TSPAN7: variants seen among roughly 807,000 people sequenced by gnomAD.
TSPAN7 encodes tetraspanin 7.
Under a neutral mutation model 17.6 loss-of-function variants are expected in TSPAN7, and 1 was observed. That is an observed-to-expected ratio of 0.06 (90% CI 0.02 to 0.27). The LOEUF (loss-of-function observed/expected upper bound fraction) is 0.27. Ranked by LOEUF, TSPAN7 falls within the 10% of genes least tolerant of loss-of-function variation. The pLI, the probability that TSPAN7 is intolerant of heterozygous loss-of-function variation, is 1.00. For synonymous variants in TSPAN7, 78 were observed against 79.0 expected (o/e 0.99, Z 0.07); for missense variants, 112 against 201.7 (o/e 0.56, Z 2.69).
chrX:38,654,779 TAGAC>T (rs2069693033), intron 1 of TSPAN7, among the ~76,000 whole-genome samples: 1 of 112,340 alleles, frequency 8.9e-6, no homozygotes, highest in Non-Finnish European at 1.9e-5. Flanking sequence ...TTCATTTTGG[TAGAC>T]AGACAAAGTG....
At chrX:38,673,634 A>G (rs939308923) in intron 3 of TSPAN7, among the ~76,000 whole-genome samples, 7 of 110,611 alleles carry the variant, frequency 6.3e-5, no homozygotes, top group Non-Finnish European at 1.3e-4. Flanking sequence ...CGGCCTCCCA[A>G]AGCACTGGGA....
rs369040163 is a variant in TSPAN7, at chrX:38,636,473, G to A, written c.82-29648G>A. On this transcript the variant is annotated intron_variant, in intron 1 of 7. Transcript: ENST00000378482. The stretch of plus-strand genomic sequence containing the variant: ...AATCCCCAAGATAAGTTTTGGATGA[G>A]AATGAACTCAAAGATCAGAGCATCA... 7.2e-5 allele frequency among the ~76,000 whole-genome samples: 8 copies of A among 111,705 alleles called. No homozygotes were observed. In the East Asian group the frequency reaches 2.3e-3, roughly 31 times the overall value.
intron 6 of TSPAN7, 77 bp from the exon 7 acceptor site, chrX:38,687,522 A>G: frequency 1.1e-6 from 1 of 940,375 alleles, no homozygotes; most frequent in Non-Finnish European, 1.5e-6. Flanking sequence ...TAAATATATA[A>G]AATTATTAAT....
chrX:38,609,725 A>T (rs1308074539), intron 1 of TSPAN7, among the ~76,000 whole-genome samples: 1 of 109,035 alleles, frequency 9.2e-6, no homozygotes, highest in Non-Finnish European at 1.9e-5. Context: ...TTGAAAAAAT[A>T]CTCCTTTATC....
At chrX:38,638,480 G>A (rs983815354) in intron 1 of TSPAN7, among the ~76,000 whole-genome samples, 2 of 112,297 alleles carry the variant, frequency 1.8e-5, no homozygotes, top group African/African-American at 6.5e-5. Flanking sequence ...CTGTATATGT[G>A]TACGTATATG....
At position 38,675,840 on chromosome X, in the gene TSPAN7, G is replaced by A. The variant is rs766145171; in HGVS notation, c.577G>A (p.Ala193Thr). 39 of 1,209,656 alleles carry A rather than the reference G, an allele frequency of 3.2e-5. No homozygotes were observed. The highest frequency in any genetic ancestry group is 1.2e-4 in the East Asian group (4 of 33,721). Reference protein sequence around the residue: ...PQDLHNLTVAATKVNQKGCYD... With the variant: ...PQDLHNLTVATTKVNQKGCYD... Reference sequence around the variant, plus strand: ...GGATCTACACAATCTGACTGTGGCCGCCACCAAAGTTAACCAGAAGGTACC... The same window carrying A: ...GGATCTACACAATCTGACTGTGGCCACCACCAAAGTTAACCAGAAGGTACC... Residue 193 changes from alanine (A) to threonine (T), a missense_variant, in exon 5 of 8, where the codon GCC (alanine) becomes ACC (threonine). By Grantham distance (58) the Ala-to-Thr change is moderately conservative (BLOSUM62 0). Coordinates refer to ENST00000378482, the MANE Select transcript of TSPAN7 (RefSeq NM_004615.4).
intron 1 of TSPAN7, among the ~76,000 whole-genome samples, chrX:38,631,973 A>G (rs911786733): frequency 1.8e-5 from 2 of 112,045 alleles, no homozygotes; most frequent in Non-Finnish European, 3.8e-5. Context: ...AAAACTTCCA[A>G]AGGCTTTTTC....
At position 38,670,757 on chromosome X, in the gene TSPAN7, G is replaced by C. The variant is rs182938075; in HGVS notation, c.271-619G>C. 7.6e-4 allele frequency among the ~76,000 whole-genome samples: 86 copies of C among 112,686 alleles called. 1 individual carries two copies. The highest frequency in any genetic ancestry group is 2.7e-3 in the African/African-American group (83 of 31,026). On this transcript the variant is annotated intron_variant, in intron 2 of 7. Transcript: ENST00000378482. Reference sequence around the variant, plus strand: ...TGCCTAGGCAGCAGGTTCTCATCCTGGCCGTGTTCACAAACATGATGGGCT... The same window carrying C: ...TGCCTAGGCAGCAGGTTCTCATCCTCGCCGTGTTCACAAACATGATGGGCT...
intron 1 of TSPAN7, among the ~76,000 whole-genome samples, chrX:38,649,605 C>T (rs752697311): frequency 3.8e-4 from 42 of 111,403 alleles, no homozygotes; most frequent in East Asian, 5.6e-4. Flanking sequence ...TCTGTTCTCT[C>T]GCTGGTACAG....
intron 1 of TSPAN7, among the ~76,000 whole-genome samples, chrX:38,582,666 G>A (rs938191083): frequency 8.9e-6 from 1 of 112,455 alleles, no homozygotes; most frequent in East Asian, 2.8e-4. Context: ...TGATCAGATA[G>A]ACTGAGAAAG....
intron 1 of TSPAN7, among the ~76,000 whole-genome samples, chrX:38,579,494 G>A (rs2069215729): frequency 1.8e-5 from 2 of 110,817 alleles, no homozygotes; most frequent in African/African-American, 6.6e-5. Context: ...GCTGAGGCAG[G>A]AGAATCACTT....
chrX:38,620,535 A>T (rs1039262471), intron 1 of TSPAN7, among the ~76,000 whole-genome samples: 1 of 111,189 alleles, frequency 9.0e-6, no homozygotes, highest in Non-Finnish European at 1.9e-5. Flanking sequence ...GTTACTGCAG[A>T]CCTACAATTT....
intron 1 of TSPAN7, chrX:38,566,198 A>G: frequency 4.3e-6 from 1 of 233,774 alleles, no homozygotes; most frequent in Non-Finnish European, 7.3e-6. Flanking sequence ...GACAAAAGGT[A>G]GGTACCTCTT....
At chrX:38,603,485 A>G (rs776829314) in intron 1 of TSPAN7, among the ~76,000 whole-genome samples, 3 of 112,295 alleles carry the variant, frequency 2.7e-5, no homozygotes, top group Non-Finnish European at 5.6e-5. Flanking sequence ...ATTATTCATA[A>G]TAGCTCAGAA....
At chrX:38,632,987 G>A (rs1305461220) in intron 1 of TSPAN7, among the ~76,000 whole-genome samples, 2 of 112,278 alleles carry the variant, frequency 1.8e-5, no homozygotes, top group Admixed American at 1.9e-4. Flanking sequence ...TCCAGAGATG[G>A]GGAGCATACG....
chrX:38,643,425 C>T (rs1012105871), intron 1 of TSPAN7, among the ~76,000 whole-genome samples: 2 of 110,738 alleles, frequency 1.8e-5, no homozygotes, highest in Non-Finnish European at 3.8e-5. Context: ...CTATATTAAA[C>T]TAAAATCTCC....
chrX:38,658,750 T>G (rs886232195), intron 1 of TSPAN7, among the ~76,000 whole-genome samples: 3 of 110,995 alleles, frequency 2.7e-5, no homozygotes, highest in Non-Finnish European at 3.8e-5. Context: ...AGCTCTGACT[T>G]ACTCCTAAAT....
chrX:38,574,535 A>G (rs1354946179), intron 1 of TSPAN7, among the ~76,000 whole-genome samples: 1 of 112,236 alleles, frequency 8.9e-6, no homozygotes, highest in Non-Finnish European at 1.9e-5. Flanking sequence ...TATATGAAGA[A>G]CAATAAAATC....
intron 1 of TSPAN7, among the ~76,000 whole-genome samples, chrX:38,610,931 T>C (rs1266849577): frequency 1.8e-5 from 2 of 112,246 alleles, no homozygotes; most frequent in Non-Finnish European, 3.8e-5. Context: ...AATATAATGC[T>C]CTTACTCAAA....
Sources: allele counts gnomAD v4.1 joint callset (sites outside exome capture counted in the v4.1 genomes callset), GRCh38; gene constraint gnomAD v4.1.1; transcripts MANE v1.5; gene names NCBI Gene and HGNC (gene_info 2026-07-23, HGNC 2026-07-21).